The following TYK2 variants were observed in gnomAD, a reference collection of about 807,000 sequenced individuals.
TYK2 encodes the protein non-receptor tyrosine-protein kinase TYK2.
A neutral mutation model predicts 130.9 loss-of-function variants in TYK2; 65 were observed. The observed-to-expected ratio is 0.50, with a 90% CI of 0.41 to 0.61. TYK2 has a LOEUF of 0.61. Among genes scored for constraint, TYK2 ranks in the 20% least tolerant of loss-of-function variants. The pLI is 0.00. For missense variants in TYK2, 1,378 were observed against 1,610.7 expected, an observed-to-expected ratio of 0.86 and a Z score of 2.47; for synonymous variants, 647 against 658.9, an observed-to-expected ratio of 0.98 and a Z score of 0.28.
At chr19:10,370,644 C>G (rs566337373) in intron 3 of TYK2, among the ~76,000 whole-genome samples, 21 of 152,052 alleles carry the variant, frequency 1.4e-4, no homozygotes, top group African/African-American at 4.8e-4. Flanking sequence ...AGAGCAAAAC[C>G]TCGTCTCTAC....
chr19:10,360,545 G>T (rs983446155), intron 14 of TYK2, among the ~76,000 whole-genome samples: 1 of 151,804 alleles, frequency 6.6e-6, no homozygotes, highest in Non-Finnish European at 1.5e-5. Flanking sequence ...AACTAGGGAT[G>T]GGGGGGATGG....
chr19:10,368,235 C>T, intron 4 of TYK2, 33 bp from the exon 5 acceptor site: 1 of 1,614,136 alleles, frequency 6.2e-7, no homozygotes, highest in Non-Finnish European at 8.5e-7. Flanking sequence ...TGGGGCTTAG[C>T]ACAGAGTCAG....
In TYK2 at chr19:10,361,297, C is replaced by T. The variant is rs979294927; in HGVS notation, c.2047+214G>A. The stretch of plus-strand genomic sequence containing the variant: ...GTTGAGACTGAGGGCAGGTGAGGGT[C>T]GACGTGTTGGGATGTAAGTTATGGG... On this transcript the variant is annotated intron_variant, in intron 14 of 24. Coordinates refer to ENST00000525621, the MANE Select transcript of TYK2 (RefSeq NM_003331.5). The surrounding 1 kb of genome is among the most constrained non-coding windows in gnomAD (Gnocchi z 4.0). 7 of 629,456 alleles carry T rather than the reference C, an allele frequency of 1.1e-5. No homozygotes were observed. The highest frequency in any genetic ancestry group is 2.4e-5 in the Admixed American group (1 of 42,456). The allele number at this position is 629,456 out of a possible 1,614,324, so 39.0% of individuals were successfully genotyped here.
At chr19:10,371,469 C>A (rs960649320) in intron 3 of TYK2, among the ~76,000 whole-genome samples, 3 of 151,790 alleles carry the variant, frequency 2.0e-5, no homozygotes, top group Non-Finnish European at 4.4e-5. Context: ...GGAGAAACCC[C>A]GTCTCTACTA....
intron 17 of TYK2, 46 bp from the exon 18 acceptor site, chr19:10,356,764 C>A (rs1382269492): frequency 6.4e-7 from 1 of 1,552,668 alleles, no homozygotes; most frequent in Admixed American, 1.9e-5. Context: ...CCCCTCGCCC[C>A]CAACCCGTTC....
At chr19:10,359,428 T>A in intron 14 of TYK2, 126 bp from the exon 15 acceptor site, 1 of 1,187,438 alleles carries the variant, frequency 8.4e-7, no homozygotes, top group Non-Finnish European at 1.2e-6. Flanking sequence ...GAGGTGTGGG[T>A]GGAGTTTGGT....
At position 10,358,020 on chromosome 19, in the gene TYK2, C is replaced by G. The variant is rs756243321; in HGVS notation, c.2294G>C (p.Gly765Ala). The stretch of plus-strand genomic sequence containing the variant: ...GTACTCACCCTCCCTGGAGAGGGCG[C>G]CCAGGCCCACGCCAGGATCACTCAG... ...IKLSDPGVGL[G>A]ALSREERVER... Residue 765 changes from glycine to alanine, a missense_variant, in exon 16 of 25, where the codon GGC becomes GCC. Gly to Ala is a moderately conservative substitution (Grantham distance 60). Coordinates refer to ENST00000525621, the MANE Select transcript of TYK2 (RefSeq NM_003331.5). The G allele has an allele frequency of 1.2e-6, 2 of 1,613,492 alleles. No homozygotes were observed. The highest frequency in any genetic ancestry group is 1.1e-5 in the South Asian group (1 of 91,080).
intron 19 of TYK2, 57 bp downstream of exon 19, chr19:10,354,455 C>G (rs1360713681): frequency 6.5e-7 from 1 of 1,531,166 alleles, no homozygotes; most frequent in Admixed American, 1.7e-5. Flanking sequence ...TTATCCTCAA[C>G]CCCCAAACTC....
chr19:10,366,394 G>A (rs201692180), intron 6 of TYK2, 23 bp downstream of exon 6: 204 of 1,609,144 alleles, frequency 1.3e-4, no homozygotes, highest in East Asian at 8.3e-4. Flanking sequence ...CCTACACAGC[G>A]TCCCCACCCC....
chr19:10,352,067 C>G (rs941839550), intron 23 of TYK2, among the ~76,000 whole-genome samples: 1 of 148,634 alleles, frequency 6.7e-6, no homozygotes, highest in African/African-American at 2.5e-5. Flanking sequence ...TTTTCTTTCT[C>G]TCTCTCTCCG....
Position 10,364,228 on chromosome 19 carries a change from T to C in TYK2, c.1367+386A>G, listed in dbSNP as rs2145236185. On this transcript the variant is annotated intron_variant, in intron 9 of 24. Transcript: ENST00000525621. This position sits in a 1 kb window ranked among gnomAD's most constrained non-coding sequence, Gnocchi z 4.9. The stretch of plus-strand genomic sequence containing the variant: ...CAACCTCAACACACAATGACAGTCA[T>C]GGCCGGGCGTGGTGGCTCATGCCTG... 6.6e-6 allele frequency among the ~76,000 whole-genome samples: 1 copy of C among 152,252 alleles called. No homozygotes were observed. The highest frequency in any genetic ancestry group is 1.5e-5 in the Non-Finnish European group (1 of 68,006).
chr19:10,374,446 G>A (rs1330972831), intron 3 of TYK2, among the ~76,000 whole-genome samples: 1 of 151,048 alleles, frequency 6.6e-6, no homozygotes, highest in African/African-American at 2.4e-5. Context: ...TTAGCCAGGT[G>A]TGGTGGTGGG....
At chr19:10,379,360 G>A (rs865849213) in intron 2 of TYK2, among the ~76,000 whole-genome samples, 53 of 149,452 alleles carry the variant, frequency 3.5e-4, no homozygotes, top group South Asian at 2.3e-3. Flanking sequence ...AAATAAATAA[G>A]TAATAAAAAT....
intron 3 of TYK2, among the ~76,000 whole-genome samples, chr19:10,371,775 C>T (rs1023261900): frequency 1.3e-5 from 2 of 152,158 alleles, no homozygotes; most frequent in African/African-American, 4.8e-5. Context: ...TTCCTTCTCC[C>T]GGCTGCGCAG....
At chr19:10,354,693 G>T in intron 18 of TYK2, 84 bp from the exon 19 acceptor site, 1 of 1,124,090 alleles carries the variant, frequency 8.9e-7, no homozygotes, top group Non-Finnish European at 1.4e-6. Context: ...GCCAGCCACA[G>T]CTACCCCAGG....
In TYK2 at chr19:10,353,896, G is replaced by T; in HGVS notation, c.2908+146C>A. 2 of 918,286 alleles carry T rather than the reference G, an allele frequency of 2.2e-6. No individual in the cohort carries two copies. Among genetic ancestry groups the T allele is most frequent in the Non-Finnish European group, 3.4e-6 (2 of 594,292 alleles). The allele number at this position is 918,286 out of a possible 1,614,324, so 56.9% of individuals were successfully genotyped here. A position where few individuals can be genotyped will look rare whatever the true frequency, so the allele number is the denominator to read the frequency against. On this transcript the variant is annotated intron_variant, in intron 20 of 24. Transcript: ENST00000525621. This position sits in a 1 kb window ranked among gnomAD's most constrained non-coding sequence, Gnocchi z 6.9. ...GATGGGAAGGAGGCAGCCCAGCCAC[G>T]CTCACCCAGATGCCAAGAACCGCGT...
At chr19:10,367,393 G>A (rs1375287287) in intron 5 of TYK2, among the ~76,000 whole-genome samples, 2 of 152,080 alleles carry the variant, frequency 1.3e-5, no homozygotes, top group African/African-American at 2.4e-5. Flanking sequence ...AGGAGGCTGA[G>A]GCAGGTGAAT....
rs867659976 is a variant in TYK2 at position 10,352,473 on chromosome 19, C to T, written c.3279G>A (p.Glu1093=). The T allele has an allele frequency of 2.2e-5, 36 of 1,610,352 alleles. No homozygotes were observed. The Middle Eastern group carries it at 1.5e-3, about 66-fold the overall frequency. The change falls in exon 23 of 25, where the codon GAG becomes GAA. Residue 1093 remains glutamate, a synonymous_variant. Transcript: ENST00000525621. ...DVWSFGVTLY[E]LLTHCDSSQS... Reference sequence around the variant, plus strand: ...GGCTGGAGTCACAGTGCGTCAGCAGCTCATACAGGGTCACCCCGAAGGACC... The same window carrying T: ...GGCTGGAGTCACAGTGCGTCAGCAGTTCATACAGGGTCACCCCGAAGGACC...
chr19:10,351,174 A>G lies in TYK2; in HGVS notation c.3319-12T>C. 1.2e-6 allele frequency: 2 copies of G among 1,609,310 alleles called. No homozygotes were observed. The highest frequency in any genetic ancestry group is 1.7e-6 in the Non-Finnish European group (2 of 1,175,868). On this transcript the variant is annotated splice_polypyrimidine_tract_variant and intron_variant, in intron 23 of 24. Transcript: ENST00000525621. ...AGCTCAAGGAATTTCTACAGTATAA[A>G]CAAGACAAGCTCTTTTCAAGAGGCA...
Sources: allele counts gnomAD v4.1 joint callset (sites outside exome capture counted in the v4.1 genomes callset), GRCh38; gene constraint gnomAD v4.1.1; non-coding constraint Gnocchi (gnomAD v3.1); transcripts MANE v1.5; gene names NCBI Gene and HGNC (gene_info 2026-07-23, HGNC 2026-07-21).